Variants in COL18A1 observed in about 807,000 individuals in gnomAD.
COL18A1 encodes the protein collagen type XVIII alpha 1 chain, also known as collagen alpha-1(XVIII) chain.
Under a neutral mutation model 168.0 loss-of-function variants are expected in COL18A1, and 133 were observed. That is an observed-to-expected ratio of 0.79 (90% CI 0.69 to 0.91). The LOEUF (loss-of-function observed/expected upper bound fraction) is 0.91. Among genes scored for constraint, COL18A1 ranks in the 40% least tolerant of loss-of-function variants. The pLI is 0.00. For synonymous variants in COL18A1, 949 were observed against 809.0 expected (o/e 1.17, Z -2.94); for missense variants, 2,126 against 1,925.4 (o/e 1.10, Z -1.95).
At position 45,504,020 on chromosome 21, in the gene COL18A1, C is replaced by T. The variant is rs201753320; in HGVS notation, c.2693C>T (p.Pro898Leu). The T allele has an allele frequency of 4.5e-4, 733 of 1,613,632 alleles. 1 individual carries two copies. Among genetic ancestry groups the T allele is most frequent in the Non-Finnish European group, 5.7e-4 (677 of 1,179,968 alleles). The change falls in exon 33 of 42, where the codon CCG becomes CTG. Residue 898 changes from proline to leucine, a missense_variant. Transcript: ENST00000651438. ...TGTCTCTCTCTTGCAGGGCAGTTTCCGTTTGACTTTCTTCAGTTGGAGGCT... is the reference window on the plus strand; with the variant it reads ...TGTCTCTCTCTTGCAGGGCAGTTTCTGTTTGACTTTCTTCAGTTGGAGGCT... ...VGPPGPPGQF[P>L]FDFLQLEAEM...
intron 29 of COL18A1, chr21:45,495,704 A>G (rs2036510232): frequency 4.7e-6 from 2 of 422,048 alleles, no homozygotes; most frequent in South Asian, 2.1e-5. Context: ...GCCCATACAC[A>G]CGCGCACACA....
chr21:45,429,659 G>C (rs930708143), intron 2 of COL18A1, among the ~76,000 whole-genome samples: 1 of 152,196 alleles, frequency 6.6e-6, no homozygotes, highest in South Asian at 2.1e-4. Context: ...ATCCCAGGAC[G>C]GTGGAGCTGG....
In COL18A1 at chr21:45,454,938, T is replaced by C. The variant is rs184051388; in HGVS notation, c.107-13304T>C. On this transcript the variant is annotated intron_variant, in intron 2 of 41. Coordinates refer to ENST00000651438, the MANE Select transcript of COL18A1 (RefSeq NM_001379500.1). ...TCCAAGGCAGGTAAAGCCCCAGCTT[T>C]GAGGGGAGGCACAGCAGCTCTGAGA... is the stretch of plus-strand genomic sequence containing the variant. 1.7e-3 allele frequency among the ~76,000 whole-genome samples: 253 copies of C among 152,292 alleles called. 1 individual carries two copies. The highest frequency in any genetic ancestry group is 5.9e-3 in the African/African-American group (245 of 41,552).
chr21:45,427,061 G>A (rs537825718), intron 2 of COL18A1, among the ~76,000 whole-genome samples: 6 of 152,334 alleles, frequency 3.9e-5, no homozygotes, highest in Admixed American at 1.3e-4. Context: ...TCTGGAAGGC[G>A]ATGTCTGTGC....
intron 2 of COL18A1, chr21:45,422,634 G>C (rs1265198880): frequency 2.7e-6 from 1 of 369,160 alleles, no homozygotes; most frequent in African/African-American, 2.1e-5. Context: ...CCGTCGGTTG[G>C]TGAAAAACGG....
chr21:45,502,039 G>A (rs1246690487), intron 32 of COL18A1, among the ~76,000 whole-genome samples: 1 of 90,032 alleles, frequency 1.1e-5, no homozygotes, highest in Non-Finnish European at 2.3e-5. Flanking sequence ...GACCCTCAGG[G>A]GCCTCCGCAG....
At chr21:45,510,029 G>A in intron 39 of COL18A1, 35 bp from the exon 40 acceptor site, 2 of 1,536,560 alleles carry the variant, frequency 1.3e-6, no homozygotes, top group Non-Finnish European at 1.7e-6. Flanking sequence ...GGGGCAGCGT[G>A]GGACACAGCC....
intron 32 of COL18A1, chr21:45,502,538 T>G (rs141841555): frequency 2.6e-5 from 4 of 152,320 alleles, no homozygotes; most frequent in African/African-American, 9.6e-5. Context: ...TGCGTATGTT[T>G]TATATATAAA....
rs1026878464 is a variant in COL18A1 at position 45,498,124 on chromosome 21, C to A, written c.2683+463C>A. 7.9e-6 allele frequency: 5 copies of A among 630,782 alleles called. No homozygotes were observed. Among genetic ancestry groups the A allele is most frequent in the African/African-American group, 5.5e-5 (3 of 54,632 alleles). The allele number at this position is 630,782 out of a possible 1,614,324, so 39.1% of individuals were successfully genotyped here. ...CCTGCTCCCCCAAAGGACAAGAATT[C>A]CCCCCTGAGCCCCACCTCCATTGAG... On this transcript the variant is annotated intron_variant, in intron 32 of 41. Transcript: ENST00000651438. The surrounding 1 kb of genome is among the most constrained non-coding windows in gnomAD (Gnocchi z 4.5).
chr21:45,504,411 C>G lies in COL18A1; in HGVS notation c.2728-5C>G, dbSNP rs751283786. On this transcript the variant is annotated splice_region_variant and splice_polypyrimidine_tract_variant and intron_variant, in intron 33 of 41. Transcript: ENST00000651438. ...CTCCCGTGTAACAAGTGTTTCCGTC[C>G]ACAGGGGGAGAAGGGAGACCGAGGT... 1.2e-6 allele frequency: 2 copies of G among 1,610,946 alleles called. No individual in the cohort carries two copies. The highest frequency in any genetic ancestry group is 3.3e-5 in the Admixed American group (2 of 59,808).
chr21:45,445,193 C>T (rs181221805), intron 2 of COL18A1, among the ~76,000 whole-genome samples: 9 of 152,314 alleles, frequency 5.9e-5, no homozygotes, highest in South Asian at 4.1e-4. Flanking sequence ...AGCTTCCATA[C>T]GAATTAAACC....
chr21:45,510,318 G>A, intron 40 of COL18A1, 57 bp downstream of exon 40: 1 of 1,530,300 alleles, frequency 6.5e-7, no homozygotes, highest in South Asian at 1.2e-5. Flanking sequence ...GACCTCTGGG[G>A]TGAACTCCCA....
intron 2 of COL18A1, chr21:45,421,509 G>A (rs371717530): frequency 5.8e-5 from 31 of 534,502 alleles, no homozygotes; most frequent in African/African-American, 1.3e-4. Flanking sequence ...AAGGCTCCAC[G>A]CGGGTCAGCA....
chr21:45,417,484 C>T (rs890547738), intron 2 of COL18A1, among the ~76,000 whole-genome samples: 3 of 152,166 alleles, frequency 2.0e-5, no homozygotes, highest in Admixed American at 1.3e-4. Context: ...TGCTCAGTGT[C>T]CTCAGGTGTC....
Position 45,454,552 on chromosome 21 carries a change from G to T in COL18A1, c.107-13690G>T, listed in dbSNP as rs527242162. Among the ~76,000 whole-genome samples the T allele has an allele frequency of 3.3e-5, 5 of 152,340 alleles. No individual in the cohort carries two copies. In the South Asian group the frequency reaches 1.0e-3, roughly 32 times the overall value. On this transcript the variant is annotated intron_variant, in intron 2 of 41. Transcript: ENST00000651438. ...GTGAGTGAGCACGCCTGTGTAAACT[G>T]CCTGGCTCCACCTCTGATGGGCTCC... is the stretch of plus-strand genomic sequence containing the variant.
Position 45,513,444 on chromosome 21 carries a change from C to T in COL18A1, c.*1046C>T, listed in dbSNP as rs1063505. 1 of 152,248 alleles carries T rather than the reference C, an allele frequency of 6.6e-6. No individual in the cohort carries two copies. The highest frequency in any genetic ancestry group is 2.4e-5 in the African/African-American group (1 of 41,462). The allele number at this position is 152,248 out of a possible 1,614,324, so 9.4% of individuals were successfully genotyped here. A position where few individuals can be genotyped will look rare whatever the true frequency, so the allele number is the denominator to read the frequency against. On this transcript the variant is annotated 3_prime_UTR_variant, in exon 42 of 42. Coordinates refer to ENST00000651438, the MANE Select transcript of COL18A1 (RefSeq NM_001379500.1). Reference sequence around the variant, plus strand: ...CCTCCTTGGGACTGAAGGGGAACCCCGGGGTGCCCACAGGCCGCCCTGCGG... The same window carrying T: ...CCTCCTTGGGACTGAAGGGGAACCCTGGGGTGCCCACAGGCCGCCCTGCGG...
chr21:45,462,501 A>C (rs2145873980), intron 2 of COL18A1, among the ~76,000 whole-genome samples: 1 of 152,174 alleles, frequency 6.6e-6, no homozygotes, highest in African/African-American at 2.4e-5. Flanking sequence ...CAAGCTCATT[A>C]ATTTATTCTT....
Position 45,493,607 on chromosome 21 carries a change from G to A in COL18A1, c.2352+32G>A, listed in dbSNP as rs780873540. On this transcript the variant is annotated intron_variant, in intron 26 of 41. Transcript: ENST00000651438. ...GCCGGGCAGCCTCCTTCCGGCAGGC[G>A]TGGGGGCTCCTGGGGCTGTGGAGAC... is the stretch of plus-strand genomic sequence containing the variant. 1.8e-5 allele frequency: 27 copies of A among 1,497,298 alleles called. No individual in the cohort carries two copies. The African/African-American group carries it at 2.5e-4, about 14-fold the overall frequency. The allele number at this position is 1,497,298 out of a possible 1,614,324, so 92.8% of individuals were successfully genotyped here. A position where few individuals can be genotyped will look rare whatever the true frequency, so the allele number is the denominator to read the frequency against.
At chr21:45,503,721 G>T (rs1041400183) in intron 32 of COL18A1, among the ~76,000 whole-genome samples, 14 of 151,208 alleles carry the variant, frequency 9.3e-5, no homozygotes, top group Non-Finnish European at 2.9e-5. Context: ...CACCAGCATG[G>T]CACATGTATA....
Sources: allele counts gnomAD v4.1 joint callset (sites outside exome capture counted in the v4.1 genomes callset), GRCh38; gene constraint gnomAD v4.1.1; non-coding constraint Gnocchi (gnomAD v3.1); transcripts MANE v1.5; gene names NCBI Gene and HGNC (gene_info 2026-07-23, HGNC 2026-07-21).